The following RNF180 variants were observed in gnomAD, a reference collection of about 807,000 sequenced individuals.
RNF180 encodes the protein E3 ubiquitin-protein ligase RNF180.
Under a neutral mutation model 59.2 loss-of-function variants are expected in RNF180, and 38 were observed. The observed-to-expected ratio is 0.64, with a 90% CI of 0.50 to 0.84. RNF180 has a LOEUF of 0.84. Among genes scored for constraint, RNF180 ranks in the 40% least tolerant of loss-of-function variants. The pLI is 0.00. For missense variants in RNF180, 705 were observed against 700.9 expected, an observed-to-expected ratio of 1.01 and a Z score of -0.07; for synonymous variants, 262 against 240.3, an observed-to-expected ratio of 1.09 and a Z score of -0.84.
At chr5:64,186,180 AT>A in intron 1 of RNF180, among the ~76,000 whole-genome samples, 1 of 152,226 alleles carries the variant, frequency 6.6e-6, no homozygotes. Flanking sequence ...AGTAAAAAGG[AT>A]TTTGAAGCCA....
At chr5:64,260,987 TC>T (rs1744307249) in intron 5 of RNF180, among the ~76,000 whole-genome samples, 1 of 151,852 alleles carries the variant, frequency 6.6e-6, no homozygotes, top group South Asian at 2.1e-4. Flanking sequence ...AATCCAACAG[TC>T]ATGCTCATAC....
intron 7 of RNF180, among the ~76,000 whole-genome samples, chr5:64,331,920 C>T (rs972300113): frequency 6.6e-6 from 1 of 152,024 alleles, no homozygotes; most frequent in Non-Finnish European, 1.5e-5. Flanking sequence ...CGTCCTGACT[C>T]GGGTGCCCAC....
intron 7 of RNF180, among the ~76,000 whole-genome samples, chr5:64,331,191 C>T (rs1161277870): frequency 1.3e-5 from 2 of 152,212 alleles, no homozygotes; most frequent in Non-Finnish European, 2.9e-5. Flanking sequence ...CTCAGCGCAA[C>T]CTGCATACAC....
Position 64,310,830 on chromosome 5 carries a change from G to T in RNF180, c.1228-14356G>T, listed in dbSNP as rs1298365179. On this transcript the variant is annotated intron_variant, in intron 5 of 7. Transcript: ENST00000389100. ...GATTTATTGTATATGGGCTAACCCTGGAAGTGGCGCATCTCACTTCTGCTT... is the reference window on the plus strand; with the variant it reads ...GATTTATTGTATATGGGCTAACCCTTGAAGTGGCGCATCTCACTTCTGCTT... Among the ~76,000 whole-genome samples, 10 of 151,804 alleles carry T rather than the reference G, an allele frequency of 6.6e-5. No individual in the cohort carries two copies. The Admixed American group carries it at 6.6e-4, about 10-fold the overall frequency.
intron 5 of RNF180, among the ~76,000 whole-genome samples, chr5:64,304,139 A>G (rs1743314235): frequency 6.8e-6 from 1 of 147,034 alleles, no homozygotes; most frequent in African/African-American, 2.5e-5. Context: ...TTCCCAGAAA[A>G]AAAAAGGCTT....
At position 64,285,659 on chromosome 5, in the gene RNF180, C is replaced by T. The variant is rs538431599; in HGVS notation, c.1228-39527C>T. On this transcript the variant is annotated intron_variant, in intron 5 of 7. Transcript: ENST00000389100. Reference sequence around the variant, plus strand: ...CATCAGAGACTGTGTTGCAGGCAGACGCAGCTAGGCTGGGGCCCCCACACA... The same window carrying T: ...CATCAGAGACTGTGTTGCAGGCAGATGCAGCTAGGCTGGGGCCCCCACACA... Among the ~76,000 whole-genome samples, 30 of 152,226 alleles carry T rather than the reference C, an allele frequency of 2.0e-4. No homozygotes were observed. In the South Asian group the frequency reaches 5.2e-3, roughly 26 times the overall value.
chr5:64,201,078 C>G (rs2112056434), intron 2 of RNF180, 136 bp downstream of exon 2: 1 of 640,986 alleles, frequency 1.6e-6, no homozygotes, highest in Non-Finnish European at 2.5e-6. Flanking sequence ...TGTCTCTCAC[C>G]TTATTTCACC....
chr5:64,208,914 A>T (rs1752164718), intron 2 of RNF180, among the ~76,000 whole-genome samples: 2 of 151,926 alleles, frequency 1.3e-5, no homozygotes, highest in African/African-American at 4.8e-5. Flanking sequence ...CAGCTGTGGA[A>T]TTTTTTCTAA....
At chr5:64,201,408 CAA>C (rs1486424023) in intron 2 of RNF180, among the ~76,000 whole-genome samples, 6 of 152,058 alleles carry the variant, frequency 3.9e-5, no homozygotes, top group Non-Finnish European at 8.8e-5. Flanking sequence ...GAATAATATT[CAA>C]GTGTGTGTTT....
intron 7 of RNF180, among the ~76,000 whole-genome samples, chr5:64,334,371 A>G (rs950602060): frequency 2.0e-5 from 3 of 152,186 alleles, no homozygotes; most frequent in Non-Finnish European, 4.4e-5. Context: ...ACTTGACTGC[A>G]GCTCCCTTCA....
At chr5:64,363,468 C>G (rs974052693) in intron 7 of RNF180, among the ~76,000 whole-genome samples, 3 of 151,758 alleles carry the variant, frequency 2.0e-5, no homozygotes, top group Admixed American at 2.0e-4. Flanking sequence ...GTACTAGTAC[C>G]ATGCTGTTTT....
intron 1 of RNF180, among the ~76,000 whole-genome samples, chr5:64,168,893 T>G (rs563695021): frequency 6.6e-6 from 1 of 152,336 alleles, no homozygotes; most frequent in Admixed American, 6.5e-5. Context: ...TTGGGTAGCA[T>G]CTCATTCCAT....
intron 7 of RNF180, among the ~76,000 whole-genome samples, chr5:64,360,366 C>T (rs566399961): frequency 1.3e-5 from 2 of 151,676 alleles, no homozygotes; most frequent in Admixed American, 6.6e-5. Flanking sequence ...ATTCAACAAC[C>T]CTTCATGCTA....
intron 2 of RNF180, among the ~76,000 whole-genome samples, chr5:64,205,033 C>T (rs1183085209): frequency 6.6e-6 from 1 of 152,114 alleles, no homozygotes; most frequent in Non-Finnish European, 1.5e-5. Flanking sequence ...TGACCATTGC[C>T]AGGAAATGGA....
intron 5 of RNF180, among the ~76,000 whole-genome samples, chr5:64,311,425 G>T (rs1743760011): frequency 6.6e-6 from 1 of 151,858 alleles, no homozygotes; most frequent in South Asian, 2.1e-4. Flanking sequence ...AAGTCCTATG[G>T]TTTCCTGCCT....
intron 5 of RNF180, among the ~76,000 whole-genome samples, chr5:64,247,992 A>G (rs1019409360): frequency 1.3e-5 from 2 of 152,216 alleles, no homozygotes; most frequent in African/African-American, 2.4e-5. Flanking sequence ...AAACCTGACA[A>G]AAACAAGGAA....
upstream of RNF180, among the ~76,000 whole-genome samples, chr5:64,165,420 AC>A (rs1189447246): frequency 1.3e-5 from 2 of 152,252 alleles, no homozygotes; most frequent in Admixed American, 1.3e-4. Flanking sequence ...GGAAAACTAA[AC>A]CCAGGTAGCG....
chr5:64,309,875 A>C (rs574274396), intron 5 of RNF180, among the ~76,000 whole-genome samples: 1 of 151,764 alleles, frequency 6.6e-6, no homozygotes, highest in South Asian at 2.1e-4. Context: ...TATTTATATT[A>C]ATTTTTCCAT....
intron 2 of RNF180, among the ~76,000 whole-genome samples, chr5:64,204,917 C>A (rs1751938436): frequency 6.6e-6 from 1 of 152,082 alleles, no homozygotes; most frequent in African/African-American, 2.4e-5. Flanking sequence ...CTCCTGTCTT[C>A]CGCATGCAGA....
Sources: gnomAD v4.1 joint callset for allele counts (sites outside exome capture counted in the v4.1 genomes callset) on GRCh38, gnomAD v4.1.1 for gene constraint, MANE v1.5 for transcripts, NCBI Gene and HGNC (gene_info 2026-07-23, HGNC 2026-07-21) for gene names.